The following PRAMEF4 variants were observed in gnomAD, a reference collection of about 807,000 sequenced individuals.
The protein encoded by PRAMEF4 is PRAME family member 4, also known as RP5-845O24.6.
Under a neutral mutation model 34.4 loss-of-function variants are expected in PRAMEF4, and 18 were observed. The ratio of observed to expected loss-of-function variants is 0.52; its 90% CI spans 0.36 to 0.78. The LOEUF is 0.78. PRAMEF4 is among the 30% of genes least tolerant of loss of function. The pLI is 0.00. For missense variants in PRAMEF4, 482 were observed against 569.1 expected, an observed-to-expected ratio of 0.85 and a Z score of 1.56; for synonymous variants, 156 against 219.3, an observed-to-expected ratio of 0.71 and a Z score of 2.55.
At position 12,885,878 on chromosome 1, in the gene PRAMEF4, T is replaced by C. The variant is rs1223464887; in HGVS notation, c.-17+269A>G. Among the ~76,000 whole-genome samples the C allele has an allele frequency of 7.6e-5, 10 of 131,062 alleles. 1 individual carries two copies. In the East Asian group the frequency reaches 2.2e-3, roughly 29 times the overall value. 86.0% of individuals were successfully genotyped at this position (131,062 alleles called of 152,430 possible). On this transcript the variant is annotated intron_variant, in intron 1 of 3. Coordinates refer to ENST00000235349, the MANE Select transcript of PRAMEF4 (RefSeq NM_001009611.4). ...CTGGGCTGAAATGATCCTCCCACTT[T>C]GGCCTCCCGAAGTGTTGGGGTTAAA... is the stretch of plus-strand genomic sequence containing the variant.
At chr1:12,883,627 G>C (rs4104408) in intron 1 of PRAMEF4, among the ~76,000 whole-genome samples, 3 of 145,728 alleles carry the variant, frequency 2.1e-5, no homozygotes, top group Non-Finnish European at 4.6e-5. Context: ...GGGCCACCAC[G>C]AGCCCTTCCT....
At chr1:12,881,376 A>T (rs948317234) in intron 3 of PRAMEF4, among the ~76,000 whole-genome samples, 1 of 148,652 alleles carries the variant, frequency 6.7e-6, no homozygotes, top group Non-Finnish European at 1.5e-5. Context: ...CAGAAAAAAA[A>T]AGTTATCTTG....
chr1:12,885,211 C>T (rs1372757250), intron 1 of PRAMEF4, among the ~76,000 whole-genome samples: 1 of 150,308 alleles, frequency 6.7e-6, no homozygotes, highest in Non-Finnish European at 1.5e-5. Flanking sequence ...CTCACTGTTA[C>T]CTCCGCCTCC....
At chr1:12,880,968 C>G (rs11122031) in intron 3 of PRAMEF4, among the ~76,000 whole-genome samples, 12,276 of 143,158 alleles carry the variant, frequency 0.086, 801 homozygotes, top group Non-Finnish European at 0.093. Context: ...TCATGTTCAC[C>G]AAACTGTGGG....
At position 12,883,349 on chromosome 1, in the gene PRAMEF4, C is replaced by G. The variant is rs1640931709; in HGVS notation, c.46G>C (p.Gly16Arg). The change falls in exon 2 of 4, where the codon GGG (glycine) becomes CGG (arginine). Residue 16 changes from glycine to arginine, a missense_variant. This residue lies in a region of PRAMEF4 where 172 missense variants were observed against 130.2 expected (regional missense o/e 1.32). Transcript: ENST00000235349. Reference sequence around the variant, plus strand: ...GCTTGGTCCCTTAGCAGGCTCCGCCCTGCAAGCTCCAGGAGTCTGGGTGGA... The same window carrying G: ...GCTTGGTCCCTTAGCAGGCTCCGCCGTGCAAGCTCCAGGAGTCTGGGTGGA... ...WTPPRLLELAGRSLLRDQALA... is the reference protein window; with the variant it reads ...WTPPRLLELARRSLLRDQALA... 4 of 1,600,658 alleles carry G rather than the reference C, an allele frequency of 2.5e-6. 1 individual carries two copies. In the Admixed American group the frequency reaches 5.2e-5, roughly 21 times the overall value.
intron 1 of PRAMEF4, among the ~76,000 whole-genome samples, chr1:12,885,267 C>G (rs1361488465): frequency 2.0e-5 from 3 of 149,758 alleles, no homozygotes; most frequent in Non-Finnish European, 3.0e-5. Context: ...ATAGCTGGGA[C>G]TACAGGCATG....
Position 12,885,742 on chromosome 1 carries a change from G to A in PRAMEF4, c.-17+405C>T, listed in dbSNP as rs2100429759. 1.4e-5 allele frequency among the ~76,000 whole-genome samples: 2 copies of A among 147,280 alleles called. 1 individual carries two copies. Among genetic ancestry groups the A allele is most frequent in the South Asian group, 4.4e-4 (2 of 4,566 alleles). On this transcript the variant is annotated intron_variant, in intron 1 of 3. Coordinates refer to ENST00000235349, the MANE Select transcript of PRAMEF4 (RefSeq NM_001009611.4). ...AAAGGTTGCAGGGAGTTGAGATCAT[G>A]CCACTGCACTCCAGTCTGGGCAACA... is the stretch of plus-strand genomic sequence containing the variant.
At chr1:12,884,896 T>C (rs5026365) in intron 1 of PRAMEF4, among the ~76,000 whole-genome samples, 182 of 148,084 alleles carry the variant, frequency 1.2e-3, no homozygotes, top group African/African-American at 4.4e-3. Flanking sequence ...ACATGGAGTT[T>C]TACTAATATG....
At position 12,885,149 on chromosome 1, in the gene PRAMEF4, G is replaced by C. The variant is rs55791606; in HGVS notation, c.-17+998C>G. On this transcript the variant is annotated intron_variant, in intron 1 of 3. Coordinates refer to ENST00000235349, the MANE Select transcript of PRAMEF4 (RefSeq NM_001009611.4). The stretch of plus-strand genomic sequence containing the variant: ...CATATAATTGTTTTTGGTGCTGAGG[G>C]AGCTGAGTCTCACTTCGTCGCCCAG... 4.5e-3 allele frequency among the ~76,000 whole-genome samples: 679 copies of C among 150,612 alleles called. 7 individuals are homozygous for C. The highest frequency in any genetic ancestry group is 0.015 in the African/African-American group (633 of 40,870).
In PRAMEF4 at chr1:12,883,064, C is replaced by G. The variant is rs565518731; in HGVS notation, c.293+38G>C. On this transcript the variant is annotated intron_variant, in intron 2 of 3. Transcript: ENST00000235349. ...ACCCAGCTGTTCCTTCAGTTGGACACCTGGGCCCTCCCCACCAGCCCACCT... is the reference window on the plus strand; with the variant it reads ...ACCCAGCTGTTCCTTCAGTTGGACAGCTGGGCCCTCCCCACCAGCCCACCT... 35 of 1,599,064 alleles carry G rather than the reference C, an allele frequency of 2.2e-5. 1 individual carries two copies. The highest frequency in any genetic ancestry group is 5.5e-5 in the African/African-American group (4 of 73,316).
rs757660416 is a variant in PRAMEF4, at chr1:12,882,012, G to T, written c.717C>A (p.Leu239=). Residue 239 remains leucine, a synonymous_variant, in exon 3 of 4, where the codon CTC becomes CTA. Transcript: ENST00000235349. ...GAGAGACATCCATGTGGGAGAGAAT[G>T]AGTTTCTGAAGATTCCTCATGTGGC... is the stretch of plus-strand genomic sequence containing the variant. ...YLGHMRNLQK[L]ILSHMDVSRY... is the part of the protein sequence containing the mutation. 1 of 1,591,536 alleles carries T rather than the reference G, an allele frequency of 6.3e-7. No homozygotes were observed.
chr1:12,879,712 A>G lies in PRAMEF4; in HGVS notation c.1269T>C (p.Gly423=), dbSNP rs749373929. ...ELYPAPRESY[G]ADGTLCWSRF... is the part of the protein sequence containing the mutation. The stretch of plus-strand genomic sequence containing the variant: ...TGCTCCAGCAGAGAGTACCATCAGC[A>G]CCATAACTCTCCCGGGGGGCAGGAT... Residue 423 remains glycine, a synonymous_variant, in exon 4 of 4, where the codon GGT becomes GGC. Transcript: ENST00000235349. 1 of 1,600,592 alleles carries G rather than the reference A, an allele frequency of 6.2e-7. No homozygotes were observed. The highest frequency in any genetic ancestry group is 8.5e-7 in the Non-Finnish European group (1 of 1,174,062).
chr1:12,882,728 T>C (rs540987390), intron 2 of PRAMEF4, among the ~76,000 whole-genome samples: 1 of 148,184 alleles, frequency 6.7e-6, no homozygotes, highest in African/African-American at 2.5e-5. Context: ...GTAGCTGGGA[T>C]TACAGGAGCC....
chr1:12,883,717 A>G (rs1640939619), intron 1 of PRAMEF4, among the ~76,000 whole-genome samples: 1 of 146,948 alleles, frequency 6.8e-6, no homozygotes, highest in Admixed American at 7.0e-5. Flanking sequence ...GGGGGAAACT[A>G]CTAATTACTC....
At chr1:12,881,378 G>A (rs1045253223) in intron 3 of PRAMEF4, among the ~76,000 whole-genome samples, 1 of 148,610 alleles carries the variant, frequency 6.7e-6, no homozygotes, top group African/African-American at 2.5e-5. Flanking sequence ...GAAAAAAAAA[G>A]TTATCTTGTT....
rs76919895 is a variant in PRAMEF4, at chr1:12,881,035, C to A, written c.875+819G>T. 1.3e-3 allele frequency among the ~76,000 whole-genome samples: 199 copies of A among 148,284 alleles called. 14 individuals are homozygous for A. The highest frequency in any genetic ancestry group is 4.7e-3 in the African/African-American group (186 of 39,692). On this transcript the variant is annotated intron_variant, in intron 3 of 3. Coordinates refer to ENST00000235349, the MANE Select transcript of PRAMEF4 (RefSeq NM_001009611.4). ...TTGCTGAACATTCCCCTCTTCAGTG[C>A]CCACTTCACTTCCCTACTTCACATC...
rs199923650 is a variant in PRAMEF4 at position 12,883,160 on chromosome 1, C to T, written c.235G>A (p.Ala79Thr). 6.2e-4 allele frequency: 998 copies of T among 1,601,118 alleles called. 67 individuals carry two copies. In the South Asian group the frequency reaches 9.7e-3, roughly 16 times the overall value. Residue 79 changes from alanine to threonine, a missense_variant, in exon 2 of 4, where the codon GCC becomes ACC. Around this residue, in one of 6 missense-constraint regions of PRAMEF4, gnomAD observed 172 missense variants for 130.2 expected, o/e 1.32. Transcript: ENST00000235349. ...RPLIKMPCLE[A>T]FQAVLDGLDA... ...AGCCCATCGAGCACAGCTTGGAAGG[C>T]CTCCAGACAAGGCATCTTTATCAGA...
At position 12,882,621 on chromosome 1, in the gene PRAMEF4, C is replaced by T. The variant is rs1569882084; in HGVS notation, c.294-186G>A. On this transcript the variant is annotated intron_variant, in intron 2 of 3. Coordinates refer to ENST00000235349, the MANE Select transcript of PRAMEF4 (RefSeq NM_001009611.4). ...TTGTTTTTTTTTTGAGACCAAGTCT[C>T]CCTGTGTCGCCCAGGCTAGAGTGCA... Among the ~76,000 whole-genome samples, 5 of 147,334 alleles carry T rather than the reference C, an allele frequency of 3.4e-5. No individual in the cohort carries two copies. In the South Asian group the frequency reaches 1.1e-3, roughly 32 times the overall value.
chr1:12,883,481 T>C (rs1000596119), intron 1 of PRAMEF4, 71 bp from the exon 2 acceptor site: 2 of 1,579,308 alleles, frequency 1.3e-6, no homozygotes, highest in East Asian at 4.5e-5. Context: ...TCCTCTCCTA[T>C]GGCCAAACTC....
Sources: gnomAD v4.1 joint callset for allele counts (sites outside exome capture counted in the v4.1 genomes callset) on GRCh38, gnomAD v4.1.1 for gene constraint, gnomAD v4.1.1 regional missense constraint, MANE v1.5 for transcripts, NCBI Gene and HGNC (gene_info 2026-07-23, HGNC 2026-07-21) for gene names.